PKD1L1: variants seen among roughly 807,000 people sequenced by gnomAD.
PKD1L1 encodes the protein polycystin-1-like protein 1.
In PKD1L1, 236 loss-of-function variants were observed where a neutral mutation model predicts 323.4. The observed-to-expected ratio is 0.73, with a 90% CI of 0.66 to 0.81. The LOEUF is 0.81. Ranked by LOEUF, PKD1L1 falls within the 40% of genes least tolerant of loss-of-function variation. PKD1L1 has a pLI of 0.00. For missense variants in PKD1L1, 3,320 were observed against 3,508.0 expected (o/e 0.95, Z 1.35); for synonymous variants, 1,344 against 1,335.0 (o/e 1.01, Z -0.15).
At chr7:47,811,692 A>T in intron 50 of PKD1L1, 125 bp downstream of exon 50, 1 of 730,384 alleles carries the variant, frequency 1.4e-6, no homozygotes, top group Non-Finnish European at 2.3e-6. Flanking sequence ...GATGTGACAA[A>T]GAGTGTGACC....
At chr7:47,835,870 C>A (rs573129703) in intron 37 of PKD1L1, among the ~76,000 whole-genome samples, 1 of 152,146 alleles carries the variant, frequency 6.6e-6, no homozygotes, top group Non-Finnish European at 1.5e-5. Context: ...TTATACAAAT[C>A]GTTTTGGATT....
rs1354220511 is a variant in PKD1L1 at position 47,876,089 on chromosome 7, T to C, written c.3784+8A>G. 2.5e-6 allele frequency: 4 copies of C among 1,613,928 alleles called. No homozygotes were observed. Among genetic ancestry groups the C allele is most frequent in the Non-Finnish European group, 3.4e-6 (4 of 1,179,872 alleles). ...CAGCTAGTGACTCCAACTGGCACCA[T>C]AGCTTACCTTTGTAATTGTCCAAGT... On this transcript the variant is annotated splice_region_variant and intron_variant, in intron 23 of 56. Coordinates refer to ENST00000289672, the MANE Select transcript of PKD1L1 (RefSeq NM_138295.5).
At chr7:47,813,499 G>T in intron 48 of PKD1L1, 1 of 715,574 alleles carries the variant, frequency 1.4e-6, no homozygotes, top group Non-Finnish European at 2.5e-6. Context: ...ACCCACAGAA[G>T]GTTGGCATCT....
intron 18 of PKD1L1, 109 bp from the exon 19 acceptor site, chr7:47,884,766 C>T: frequency 2.4e-6 from 2 of 849,152 alleles, no homozygotes; most frequent in Admixed American, 3.9e-5. Flanking sequence ...TTTCTAGACT[C>T]CATACATTGC....
intron 17 of PKD1L1, among the ~76,000 whole-genome samples, chr7:47,887,024 C>T (rs905542841): frequency 1.4e-5 from 2 of 147,670 alleles, no homozygotes; most frequent in Admixed American, 1.4e-4. Flanking sequence ...CCATGATTTA[C>T]TTTGCTGAAA....
intron 52 of PKD1L1, among the ~76,000 whole-genome samples, chr7:47,807,262 A>C (rs1784799373): frequency 6.6e-6 from 1 of 152,034 alleles, no homozygotes; most frequent in Non-Finnish European, 1.5e-5. Flanking sequence ...GCTTGCAACA[A>C]AATGATCTCC....
Position 47,898,075 on chromosome 7 carries a change from G to T in PKD1L1, c.2184C>A (p.Ser728=). ...NLMDSEGLPV[S]LPAAVDTHRQ... ...TGTGAGTGTCCACAGCAGCAGGGAG[G>T]GAGACAGGGAGCCCTTCAGAGTCCA... The change falls in exon 14 of 57, where the codon TCC becomes TCA. Residue 728 remains serine, a synonymous_variant. Transcript: ENST00000289672. 6.2e-7 allele frequency: 1 copy of T among 1,614,004 alleles called. No individual in the cohort carries two copies. Among genetic ancestry groups the T allele is most frequent in the East Asian group, 2.2e-5 (1 of 44,882 alleles).
At chr7:47,870,076 T>A (rs1429807416) in intron 24 of PKD1L1, among the ~76,000 whole-genome samples, 1 of 152,010 alleles carries the variant, frequency 6.6e-6, no homozygotes, top group African/African-American at 2.4e-5. Context: ...CTAAAACACA[T>A]TGGATGCAGC....
At chr7:47,935,561 G>T (rs2686822) in intron 4 of PKD1L1, among the ~76,000 whole-genome samples, 120,851 of 152,208 alleles carry the variant, frequency 0.79, 48,504 homozygotes, top group East Asian at 1. Context: ...ACTGCAATGG[G>T]GGGGAACACA....
intron 56 of PKD1L1, among the ~76,000 whole-genome samples, chr7:47,781,574 A>G (rs61397991): frequency 0.013 from 2,039 of 151,640 alleles, 60 homozygotes; most frequent in African/African-American, 0.047. Context: ...ATGCCCAGCT[A>G]ATTTTTTTGT....
At chr7:47,924,899 C>T (rs1315268670) in intron 7 of PKD1L1, among the ~76,000 whole-genome samples, 1 of 152,112 alleles carries the variant, frequency 6.6e-6, no homozygotes, top group Non-Finnish European at 1.5e-5. Flanking sequence ...GCAGTATCAG[C>T]CATTGTAATT....
At chr7:47,956,737 G>A in the PKD1L1 span, 1 of 152,212 alleles carries the variant, frequency 6.6e-6, no homozygotes, top group African/African-American at 2.4e-5. Context: ...AGAGATATAT[G>A]ACATTCCTGA....
At chr7:47,813,008 C>G (rs971628259) in intron 49 of PKD1L1, 113 bp downstream of exon 49, 1 of 1,332,252 alleles carries the variant, frequency 7.5e-7, no homozygotes, top group African/African-American at 1.5e-5. Context: ...GCGCTGACCT[C>G]GCAGGCCTGT....
At chr7:47,826,157 C>CGA (rs1785236707) in intron 45 of PKD1L1, among the ~76,000 whole-genome samples, 3 of 152,158 alleles carry the variant, frequency 2.0e-5, no homozygotes, top group South Asian at 4.1e-4. Context: ...GTTCTATTCT[C>CGA]AGATACATCA....
intron 55 of PKD1L1, among the ~76,000 whole-genome samples, chr7:47,795,003 C>T (rs898190423): frequency 6.6e-6 from 1 of 152,170 alleles, no homozygotes; most frequent in Non-Finnish European, 1.5e-5. Context: ...TTTTATTTTA[C>T]AGGCTCATAG....
intron 23 of PKD1L1, among the ~76,000 whole-genome samples, chr7:47,875,413 A>C (rs1345803183): frequency 1.3e-5 from 2 of 152,254 alleles, no homozygotes; most frequent in Admixed American, 1.3e-4. Context: ...CTTCTAGATC[A>C]GTGACTCTCA....
chr7:47,890,747 C>T lies in PKD1L1; in HGVS notation c.2470G>A (p.Ala824Thr), dbSNP rs79292682. The T allele has an allele frequency of 2.8e-4, 450 of 1,612,388 alleles. No homozygotes were observed. In the African/African-American group the frequency reaches 4.0e-3, roughly 14 times the overall value. ...GATLRYHWECATAGSPAHPCF... is the reference protein window; with the variant it reads ...GATLRYHWECTTAGSPAHPCF... ...GGATGTGCTGGGGAGCCAGCGGTGG[C>T]GCATTCCCAGTGATACCTGTTGGAG... Residue 824 changes from alanine (A) to threonine (T), a missense_variant, in exon 16 of 57, where the codon GCC (alanine) becomes ACC (threonine). Coordinates refer to ENST00000289672, the MANE Select transcript of PKD1L1 (RefSeq NM_138295.5).
intron 7 of PKD1L1, among the ~76,000 whole-genome samples, chr7:47,916,705 T>C (rs1787436212): frequency 6.6e-6 from 1 of 152,086 alleles, no homozygotes; most frequent in Non-Finnish European, 1.5e-5. Flanking sequence ...ACTCGCTGGG[T>C]GGCTAGATCC....
intron 3 of PKD1L1, 55 bp downstream of exon 3, chr7:47,940,138 T>C (rs2128758061): frequency 2.5e-6 from 4 of 1,596,932 alleles, no homozygotes; most frequent in South Asian, 1.1e-5. Flanking sequence ...TTAGCTGTAC[T>C]GTACATGTAC....
Sources: gnomAD v4.1 joint callset for allele counts (sites outside exome capture counted in the v4.1 genomes callset) on GRCh38, gnomAD v4.1.1 for gene constraint, MANE v1.5 for transcripts, NCBI Gene and HGNC (gene_info 2026-07-23, HGNC 2026-07-21) for gene names.